Variants in HERC2 observed in about 807,000 individuals in gnomAD.
HERC2 encodes the protein HECT and RLD domain containing E3 ubiquitin protein ligase 2.
A neutral mutation model predicts 537.7 loss-of-function variants in HERC2; 102 were observed. That is an observed-to-expected ratio of 0.19 (90% CI 0.16 to 0.22). The LOEUF (loss-of-function observed/expected upper bound fraction) is 0.22, where lower values mean the gene tolerates loss of function less well. Ranked by LOEUF, HERC2 falls within the 10% of genes least tolerant of loss-of-function variation. The probability of loss-of-function intolerance (pLI) is 1.00; values close to 1 mark genes in which losing one functional copy is unlikely to be tolerated. For synonymous variants in HERC2, 2,224 were observed against 2,466.2 expected, an observed-to-expected ratio of 0.90 and a Z score of 2.91; for missense variants, 4,236 against 6,198.2, an observed-to-expected ratio of 0.68 and a Z score of 10.63.
intron 2 of HERC2, among the ~76,000 whole-genome samples, chr15:28,300,002 A>G (rs2905952): frequency 0.97 from 145,453 of 149,542 alleles, 70,816 homozygotes; most frequent in Non-Finnish European, 0.99. Flanking sequence ...GCAGTGAGCC[A>G]AGATCGCACC....
At chr15:28,121,958 C>T (rs1008293403) in intron 85 of HERC2, among the ~76,000 whole-genome samples, 1 of 131,996 alleles carries the variant, frequency 7.6e-6, no homozygotes, top group Non-Finnish European at 1.6e-5. Context: ...GACCTTGGAT[C>T]GCCACTGCCT....
chr15:28,245,777 G>T, intron 23 of HERC2, 104 bp downstream of exon 23: 1 of 1,072,038 alleles, frequency 9.3e-7, no homozygotes, highest in Non-Finnish European at 1.4e-6. Flanking sequence ...CAGTAGAAAT[G>T]GCAAATCTTC....
chr15:28,274,336 T>A lies in HERC2; in HGVS notation c.755A>T (p.Glu252Val), dbSNP rs1243283487. 6.2e-7 allele frequency: 1 copy of A among 1,613,978 alleles called. No homozygotes were observed. The highest frequency in any genetic ancestry group is 8.5e-7 in the Non-Finnish European group (1 of 1,179,996). ...DESTVSSVWL[E>V]VVERATRFLR... ...GAACCTGGTCGCTCTCTCCACCACCTCCAGCCACACAGAGGACACGGTGCT... is the reference window on the plus strand; with the variant it reads ...GAACCTGGTCGCTCTCTCCACCACCACCAGCCACACAGAGGACACGGTGCT... Residue 252 changes from glutamate to valine, a missense_variant, in exon 7 of 93, where the codon GAG becomes GTG. Physicochemically the swap from Glu to Val is moderately radical, Grantham distance 121. Transcript: ENST00000261609.
intron 83 of HERC2, 106 bp downstream of exon 83, chr15:28,130,057 G>A: frequency 1.4e-6 from 2 of 1,392,652 alleles, no homozygotes; most frequent in South Asian, 2.6e-5. Flanking sequence ...ACAGGAGTGA[G>A]CCACCACACC....
intron 57 of HERC2, among the ~76,000 whole-genome samples, chr15:28,179,904 CAA>C (rs1304342814): frequency 6.6e-6 from 1 of 152,154 alleles, no homozygotes; most frequent in African/African-American, 2.4e-5. Context: ...AGTATTATTA[CAA>C]GAGTCAAAAA....
intron 63 of HERC2, among the ~76,000 whole-genome samples, chr15:28,175,858 C>T (rs1360636788): frequency 6.6e-6 from 1 of 151,898 alleles, no homozygotes. Flanking sequence ...ACCTTAATAC[C>T]TTAATACATA....
Position 28,233,733 on chromosome 15 carries a change from G to A in HERC2, c.4282C>T (p.Pro1428Ser). The A allele has an allele frequency of 1.2e-6, 2 of 1,612,936 alleles. No individual in the cohort carries two copies. Among genetic ancestry groups the A allele is most frequent in the Non-Finnish European group, 1.7e-6 (2 of 1,179,038 alleles). ...ACCTCTTCCACGGGATGCTCGGGGG[G>A]AAACATGATCGGTGTGGTCAAATGG... Reference protein sequence around the residue: ...QCHLTTPIMFPPEHPVEEVGR... With the variant: ...QCHLTTPIMFSPEHPVEEVGR... Residue 1428 changes from proline (P) to serine (S), a missense_variant, in exon 28 of 93, where the codon CCC becomes TCC. Pro to Ser is a moderately conservative substitution (Grantham distance 74). This residue lies in a region of HERC2 where 94 missense variants were observed against 174.9 expected (regional missense o/e 0.54). Coordinates refer to ENST00000261609, the MANE Select transcript of HERC2 (RefSeq NM_004667.6).
chr15:28,168,280 G>T, intron 67 of HERC2, 127 bp downstream of exon 67: 1 of 903,034 alleles, frequency 1.1e-6, no homozygotes, highest in Non-Finnish European at 1.7e-6. Context: ...ATTCTTCTAA[G>T]TAAAGCCAAA....
intron 70 of HERC2, among the ~76,000 whole-genome samples, chr15:28,151,716 A>G (rs1892472804): frequency 6.6e-6 from 1 of 152,102 alleles, no homozygotes; most frequent in South Asian, 2.1e-4. Flanking sequence ...AAAGATAATA[A>G]CAATAGAGTA....
chr15:28,112,902 C>T (rs1208631591), intron 92 of HERC2, among the ~76,000 whole-genome samples, 169 bp downstream of exon 92: 1 of 152,192 alleles, frequency 6.6e-6, no homozygotes, highest in Non-Finnish European at 1.5e-5. Context: ...AACACATAAT[C>T]ATAACATTTT....
intron 2 of HERC2, among the ~76,000 whole-genome samples, chr15:28,315,198 G>A (rs1293809807): frequency 6.6e-6 from 1 of 152,224 alleles, no homozygotes; most frequent in African/African-American, 2.4e-5. Context: ...AAAAAGGGGA[G>A]GAATAAAAAC....
chr15:28,251,190 C>T (rs2075065676), intron 20 of HERC2, among the ~76,000 whole-genome samples: 1 of 152,210 alleles, frequency 6.6e-6, no homozygotes, highest in Non-Finnish European at 1.5e-5. Context: ...CACCTGTAAT[C>T]CCAACACTTT....
chr15:28,131,474 C>CA (rs1312111586), intron 81 of HERC2, among the ~76,000 whole-genome samples: 1 of 152,216 alleles, frequency 6.6e-6, no homozygotes, highest in African/African-American at 2.4e-5. Flanking sequence ...GGTGTGCATG[C>CA]ACTGAGGTCA....
At chr15:28,298,774 C>G (rs950317138) in intron 3 of HERC2, 6 of 151,986 alleles carry the variant, frequency 3.9e-5, no homozygotes, top group Admixed American at 2.0e-4. Context: ...CCAGCCTCAG[C>G]AACAGAGCAA....
At chr15:28,186,863 T>C in intron 55 of HERC2, 111 bp from the exon 56 acceptor site, 1 of 623,590 alleles carries the variant, frequency 1.6e-6, no homozygotes, top group Non-Finnish European at 2.7e-6. Context: ...TTAGAGCTCC[T>C]TTACTTCAGT....
At chr15:28,286,297 T>C (rs1466303753) in intron 4 of HERC2, among the ~76,000 whole-genome samples, 1 of 152,094 alleles carries the variant, frequency 6.6e-6, no homozygotes, top group South Asian at 2.1e-4. Context: ...GAAGCTAATA[T>C]TAGGTACTGT....
chr15:28,124,961 G>T, intron 84 of HERC2, 45 bp downstream of exon 84: 3 of 1,544,752 alleles, frequency 1.9e-6, no homozygotes, highest in Non-Finnish European at 2.7e-6. Flanking sequence ...TGTGACAGGA[G>T]CACACTTTGC....
In HERC2 at chr15:28,274,927, G is replaced by A. The variant is rs1273184538; in HGVS notation, c.621C>T (p.Phe207=). The A allele has an allele frequency of 6.2e-7, 1 of 1,611,604 alleles. No homozygotes were observed. Among genetic ancestry groups the A allele is most frequent in the Non-Finnish European group, 8.5e-7 (1 of 1,179,824 alleles). Residue 207 remains phenylalanine (F), a synonymous_variant, in exon 6 of 93, where the codon TTC becomes TTT. Transcript: ENST00000261609. ...SRAALSFAFA[F]LRRAWRSGED... ...TACCTGATCGCCAGGCCCTGCGCAG[G>A]AAGGCAAAGGCAAAAGACAGCGCCG...
intron 17 of HERC2, among the ~76,000 whole-genome samples, chr15:28,256,741 C>G (rs1305886648): frequency 2.0e-5 from 3 of 152,126 alleles, no homozygotes; most frequent in Non-Finnish European, 4.4e-5. Context: ...ACTACAGGCG[C>G]CCGCCACCAC....
Sources: allele counts gnomAD v4.1 joint callset (sites outside exome capture counted in the v4.1 genomes callset), GRCh38; gene constraint gnomAD v4.1.1; regional missense constraint gnomAD v4.1.1; transcripts MANE v1.5; gene names NCBI Gene and HGNC (gene_info 2026-07-23, HGNC 2026-07-21).